The following SNTG1 variants were observed in gnomAD, a reference collection of about 807,000 sequenced individuals.
SNTG1 encodes the protein gamma-1-syntrophin.
In SNTG1, 39 loss-of-function variants were observed where a neutral mutation model predicts 74.7. The observed-to-expected ratio is 0.52, with a 90% CI of 0.40 to 0.68. The LOEUF (loss-of-function observed/expected upper bound fraction) is 0.68. Among genes scored for constraint, SNTG1 ranks in the 30% least tolerant of loss-of-function variants. SNTG1 has a pLI of 0.00. For synonymous variants in SNTG1, 254 were observed against 217.1 expected (o/e 1.17, Z -1.49); for missense variants, 685 against 609.5 (o/e 1.12, Z -1.30).
chr8:50,465,210 G>A (rs2093599466), intron 8 of SNTG1, among the ~76,000 whole-genome samples: 1 of 151,952 alleles, frequency 6.6e-6, no homozygotes, highest in Non-Finnish European at 1.5e-5. Context: ...CTAACAAATG[G>A]TTATATTATC....
At chr8:50,695,515 A>T (rs2095401606) in intron 15 of SNTG1, among the ~76,000 whole-genome samples, 1 of 146,718 alleles carries the variant, frequency 6.8e-6, no homozygotes, top group Admixed American at 6.9e-5. Flanking sequence ...TATACTTAGG[A>T]AGTACCAGTG....
At chr8:50,730,135 A>G (rs2131617677) in intron 17 of SNTG1, among the ~76,000 whole-genome samples, 1 of 152,318 alleles carries the variant, frequency 6.6e-6, no homozygotes, top group East Asian at 1.9e-4. Context: ...TATACTTTGG[A>G]AATGATAAGG....
At chr8:50,555,955 G>C (rs1248374102) in intron 12 of SNTG1, among the ~76,000 whole-genome samples, 1 of 152,030 alleles carries the variant, frequency 6.6e-6, no homozygotes, top group Non-Finnish European at 1.5e-5. Context: ...TCAATGTGTT[G>C]ATCATTTTCT....
intron 13 of SNTG1, among the ~76,000 whole-genome samples, chr8:50,591,428 A>G (rs971156729): frequency 6.6e-6 from 1 of 152,184 alleles, no homozygotes; most frequent in Non-Finnish European, 1.5e-5. Context: ...CTATTTATAA[A>G]TGATACATAA....
rs536076578 is a variant in SNTG1 at position 50,074,942 on chromosome 8, A to G, written c.-102-97619A>G. 7.9e-5 allele frequency among the ~76,000 whole-genome samples: 12 copies of G among 152,202 alleles called. No individual in the cohort carries two copies. In the East Asian group the frequency reaches 1.8e-3, roughly 22 times the overall value. On this transcript the variant is annotated intron_variant, in intron 1 of 18. Coordinates refer to ENST00000642720, the MANE Select transcript of SNTG1 (RefSeq NM_018967.5). ...TTCGGGGTGGGCATCCTCTCCACAG[A>G]CCCCACACTTGGAGCGGCCTGCCGG...
At chr8:50,134,611 G>C (rs539795824) in intron 1 of SNTG1, among the ~76,000 whole-genome samples, 2 of 152,126 alleles carry the variant, frequency 1.3e-5, no homozygotes. Context: ...GGGAAAGATA[G>C]AATAGTAATT....
At chr8:50,649,860 T>A (rs1272814332) in intron 13 of SNTG1, among the ~76,000 whole-genome samples, 1 of 151,940 alleles carries the variant, frequency 6.6e-6, no homozygotes, top group Non-Finnish European at 1.5e-5. Flanking sequence ...AATTTTATAT[T>A]TGGCAACATT....
intron 4 of SNTG1, among the ~76,000 whole-genome samples, chr8:50,415,652 A>G (rs1370222767): frequency 6.6e-6 from 1 of 152,164 alleles, no homozygotes; most frequent in African/African-American, 2.4e-5. Flanking sequence ...TCAGTATATT[A>G]TATAAAACTT....
At chr8:49,941,638 C>T (rs1415931893) in intron 1 of SNTG1, among the ~76,000 whole-genome samples, 1 of 151,924 alleles carries the variant, frequency 6.6e-6, no homozygotes, top group Non-Finnish European at 1.5e-5. Flanking sequence ...CTGAGTGAGC[C>T]CCTCTGGGCT....
chr8:50,178,459 T>G (rs969115298), intron 2 of SNTG1, among the ~76,000 whole-genome samples: 9 of 152,056 alleles, frequency 5.9e-5, no homozygotes, highest in Non-Finnish European at 1.0e-4. Flanking sequence ...GGAGGTTATC[T>G]AACATGTTAG....
intron 1 of SNTG1, among the ~76,000 whole-genome samples, chr8:49,972,222 A>G (rs1585718401): frequency 6.6e-6 from 1 of 152,218 alleles, no homozygotes; most frequent in African/African-American, 2.4e-5. Context: ...CATATCTACA[A>G]CCACCTGATC....
intron 1 of SNTG1, among the ~76,000 whole-genome samples, chr8:50,143,900 T>C (rs763171005): frequency 3.3e-5 from 5 of 152,194 alleles, no homozygotes; most frequent in Non-Finnish European, 5.9e-5. Context: ...TATACCTTAA[T>C]CAGTATTAAA....
intron 9 of SNTG1, among the ~76,000 whole-genome samples, chr8:50,503,623 A>T (rs2625736): frequency 0.3 from 45,584 of 152,004 alleles, 9,287 homozygotes; most frequent in African/African-American, 0.58. Flanking sequence ...AATTATACTT[A>T]ATTTTTTATT....
chr8:50,329,406 C>T lies in SNTG1; in HGVS notation c.-27-64806C>T, dbSNP rs115025560. Among the ~76,000 whole-genome samples, 1,421 of 152,272 alleles carry T rather than the reference C, an allele frequency of 9.3e-3. 27 individuals carry two copies. The highest frequency in any genetic ancestry group is 0.032 in the African/African-American group (1,348 of 41,542). ...TGCAGCAGACTTCTGCCTGGACATCCGCGCATTCCCAAACATCCTCTGAAA... is the reference window on the plus strand; with the variant it reads ...TGCAGCAGACTTCTGCCTGGACATCTGCGCATTCCCAAACATCCTCTGAAA... On this transcript the variant is annotated intron_variant, in intron 2 of 18. Transcript: ENST00000642720.
chr8:50,117,993 AC>A (rs1444913902), intron 1 of SNTG1, among the ~76,000 whole-genome samples: 1 of 152,122 alleles, frequency 6.6e-6, no homozygotes, highest in Admixed American at 6.6e-5. Flanking sequence ...GATGCTGACC[AC>A]TGCAGAAGAC....
chr8:50,752,600 G>A (rs1264200346), intron 18 of SNTG1, among the ~76,000 whole-genome samples: 4 of 151,768 alleles, frequency 2.6e-5, no homozygotes, highest in Admixed American at 1.3e-4. Flanking sequence ...CATTATCCCA[G>A]TATAGAGAAA....
chr8:50,265,584 G>T (rs2087423182), intron 2 of SNTG1, among the ~76,000 whole-genome samples: 1 of 151,960 alleles, frequency 6.6e-6, no homozygotes, highest in Non-Finnish European at 1.5e-5. Flanking sequence ...ATTTGCTTTT[G>T]TCACTTCTAT....
At chr8:50,199,181 G>A (rs1333674947) in intron 2 of SNTG1, among the ~76,000 whole-genome samples, 1 of 148,122 alleles carries the variant, frequency 6.8e-6, no homozygotes, top group Non-Finnish European at 1.5e-5. Context: ...AGACAAAACT[G>A]TTGAATGTTG....
chr8:49,928,651 C>T (rs1188571286), intron 1 of SNTG1, among the ~76,000 whole-genome samples: 1 of 151,934 alleles, frequency 6.6e-6, no homozygotes, highest in Non-Finnish European at 1.5e-5. Flanking sequence ...ACATTTTGCC[C>T]AATTTTGCTG....
Sources: gnomAD v4.1 joint callset for allele counts (sites outside exome capture counted in the v4.1 genomes callset) on GRCh38, gnomAD v4.1.1 for gene constraint, MANE v1.5 for transcripts, NCBI Gene and HGNC (gene_info 2026-07-23, HGNC 2026-07-21) for gene names.